Variants in SDK1 observed in about 807,000 individuals in gnomAD.
The protein encoded by SDK1 is sidekick cell adhesion molecule 1.
A neutral mutation model predicts 245.5 loss-of-function variants in SDK1; 157 were observed. The observed-to-expected ratio is 0.64, with a 90% CI of 0.56 to 0.73. The LOEUF (loss-of-function observed/expected upper bound fraction) is 0.73, where lower values mean the gene tolerates loss of function less well. Among genes scored for constraint, SDK1 ranks in the 30% least tolerant of loss-of-function variants. The pLI, the probability that SDK1 is intolerant of heterozygous loss-of-function variation, is 0.00. For missense variants in SDK1, 3,583 were observed against 3,002.3 expected, an observed-to-expected ratio of 1.19 and a Z score of -4.52; for synonymous variants, 1,647 against 1,278.5, an observed-to-expected ratio of 1.29 and a Z score of -6.15.
intron 1 of SDK1, among the ~76,000 whole-genome samples, chr7:3,608,310 T>C (rs1781485984): frequency 6.6e-6 from 1 of 152,200 alleles, no homozygotes; most frequent in Non-Finnish European, 1.5e-5. Flanking sequence ...GCAAAGGATT[T>C]GGGAGGTTGT....
intron 28 of SDK1, among the ~76,000 whole-genome samples, chr7:4,145,177 A>C (rs1245825059): frequency 6.6e-6 from 1 of 152,168 alleles, no homozygotes; most frequent in East Asian, 1.9e-4. Flanking sequence ...GTGGGGCCAA[A>C]GAAGGGGCCG....
rs1037572976 is a variant in SDK1 at position 3,385,958 on chromosome 7, C to T, written c.298+84074C>T. ...AGTAGAATCAAAATACATGTGCTCT[C>T]CCTTTCCTCTGCATGGATTTTTTTT... On this transcript the variant is annotated intron_variant, in intron 1 of 44. Transcript: ENST00000404826. Among the ~76,000 whole-genome samples, 2 of 152,074 alleles carry T rather than the reference C, an allele frequency of 1.3e-5. 1 individual carries two copies. The highest frequency in any genetic ancestry group is 4.8e-5 in the African/African-American group (2 of 41,418).
rs77768008 is a variant in SDK1 at position 3,613,363 on chromosome 7, G to C, written c.299-5717G>C. On this transcript the variant is annotated intron_variant, in intron 1 of 44. Transcript: ENST00000404826. Reference sequence around the variant, plus strand: ...GGTAACATTAAATACATTTACATTGGATCTGAAAACCTTAAATGTTTACTT... The same window carrying C: ...GGTAACATTAAATACATTTACATTGCATCTGAAAACCTTAAATGTTTACTT... 8.6e-3 allele frequency among the ~76,000 whole-genome samples: 1,307 copies of C among 152,200 alleles called. 11 individuals carry two copies. Among genetic ancestry groups the C allele is most frequent in the Non-Finnish European group, 0.013 (915 of 68,028 alleles).
At chr7:3,868,148 C>T (rs1780866977) in intron 5 of SDK1, among the ~76,000 whole-genome samples, 1 of 152,188 alleles carries the variant, frequency 6.6e-6, no homozygotes. Context: ...AGTCATAGGT[C>T]AGCCTTACAA....
chr7:3,564,954 C>A (rs746566063), intron 1 of SDK1, among the ~76,000 whole-genome samples: 1 of 151,922 alleles, frequency 6.6e-6, no homozygotes, highest in African/African-American at 2.4e-5. Flanking sequence ...GGAGACAAAT[C>A]TGGATTTCCA....
chr7:3,713,273 T>C lies in SDK1; in HGVS notation c.713+71168T>C, dbSNP rs758967672. Among the ~76,000 whole-genome samples, 8 of 152,368 alleles carry C rather than the reference T, an allele frequency of 5.3e-5. No individual in the cohort carries two copies. The East Asian group carries it at 1.5e-3, about 29-fold the overall frequency. On this transcript the variant is annotated intron_variant, in intron 4 of 44. Transcript: ENST00000404826. ...ATGATCTTTCTCCTTCCAAGTCGTC[T>C]GGGAGCTCAGGCTCTGTGTTGTGAT...
intron 1 of SDK1, among the ~76,000 whole-genome samples, chr7:3,579,540 A>G (rs1780415243): frequency 6.6e-6 from 1 of 152,242 alleles, no homozygotes; most frequent in Non-Finnish European, 1.5e-5. Flanking sequence ...AATAAGAGCC[A>G]TCTATGACAA....
intron 30 of SDK1, among the ~76,000 whole-genome samples, chr7:4,153,620 G>GAT (rs1780531624): frequency 1.3e-5 from 2 of 152,138 alleles, no homozygotes; most frequent in South Asian, 4.1e-4. Flanking sequence ...CTTGGCCAAG[G>GAT]ATATGATACA....
intron 4 of SDK1, among the ~76,000 whole-genome samples, chr7:3,811,272 C>A (rs978321692): frequency 6.6e-6 from 1 of 152,138 alleles, no homozygotes; most frequent in African/African-American, 2.4e-5. Context: ...AGATCCAGTT[C>A]CACTTCTCTT....
chr7:3,958,889 C>G, intron 7 of SDK1, 42 bp from the exon 8 acceptor site: 1 of 1,483,312 alleles, frequency 6.7e-7, no homozygotes. Context: ...CTGACATATC[C>G]TTCTTTGGCT....
chr7:3,317,037 T>C (rs7784336), intron 1 of SDK1, among the ~76,000 whole-genome samples: 35,924 of 151,288 alleles, frequency 0.24, 4,673 homozygotes, highest in East Asian at 0.39. Context: ...AAAACTTAGC[T>C]GAGTGTGGTG....
intron 5 of SDK1, among the ~76,000 whole-genome samples, chr7:3,912,422 A>G (rs377246078): frequency 1.3e-5 from 2 of 152,366 alleles, no homozygotes; most frequent in East Asian, 3.9e-4. Flanking sequence ...CAAATAAGCA[A>G]GTACAACACC....
At chr7:3,730,278 G>A (rs987180102) in intron 4 of SDK1, among the ~76,000 whole-genome samples, 1 of 152,122 alleles carries the variant, frequency 6.6e-6, no homozygotes, top group African/African-American at 2.4e-5. Context: ...ATGATGGGAG[G>A]TGCTCTGTTG....
chr7:3,429,371 G>T (rs1020378506), intron 1 of SDK1, among the ~76,000 whole-genome samples: 1 of 152,120 alleles, frequency 6.6e-6, no homozygotes, highest in Non-Finnish European at 1.5e-5. Flanking sequence ...AGATTATAGA[G>T]CTAGTAAGTA....
chr7:3,413,179 G>A (rs1374279152), intron 1 of SDK1, among the ~76,000 whole-genome samples: 2 of 152,320 alleles, frequency 1.3e-5, no homozygotes, highest in Middle Eastern at 3.4e-3. Context: ...TTGGGTGGCA[G>A]TAGCAGGAAC....
intron 5 of SDK1, among the ~76,000 whole-genome samples, chr7:3,927,967 A>G (rs946635561): frequency 2.0e-5 from 3 of 152,196 alleles, no homozygotes; most frequent in Non-Finnish European, 4.4e-5. Flanking sequence ...GTGGGTGCTC[A>G]GTAGAGGAAT....
intron 14 of SDK1, among the ~76,000 whole-genome samples, chr7:4,006,020 T>C (rs766229813): frequency 1.3e-5 from 2 of 152,134 alleles, no homozygotes; most frequent in African/African-American, 4.8e-5. Context: ...TGAGCCGAGA[T>C]TGCGCCACTG....
At chr7:3,687,554 T>C (rs1675120780) in intron 4 of SDK1, among the ~76,000 whole-genome samples, 1 of 152,210 alleles carries the variant, frequency 6.6e-6, no homozygotes, top group African/African-American at 2.4e-5. Flanking sequence ...AGGTGTGAAC[T>C]GTCGATGCAC....
At chr7:4,255,176 C>T (rs79691537) in intron 44 of SDK1, among the ~76,000 whole-genome samples, 2,504 of 152,296 alleles carry the variant, frequency 0.016, 60 homozygotes, top group African/African-American at 0.055. Context: ...CTGGTTTTAC[C>T]GCTTCCATTG....
Sources: gnomAD v4.1 joint callset for allele counts (sites outside exome capture counted in the v4.1 genomes callset) on GRCh38, gnomAD v4.1.1 for gene constraint, MANE v1.5 for transcripts, NCBI Gene and HGNC (gene_info 2026-07-23, HGNC 2026-07-21) for gene names.